The following SNX9 variants were observed in gnomAD, a reference collection of about 807,000 sequenced individuals.
The protein encoded by SNX9 is sorting nexin-9.
A neutral mutation model predicts 89.4 loss-of-function variants in SNX9; 44 were observed. The observed-to-expected ratio is 0.49, with a 90% CI of 0.39 to 0.63. The LOEUF (loss-of-function observed/expected upper bound fraction) is 0.63, where lower values mean the gene tolerates loss of function less well. Among genes scored for constraint, SNX9 ranks in the 30% least tolerant of loss-of-function variants. The pLI is 0.00. For synonymous variants in SNX9, 236 were observed against 247.8 expected (o/e 0.95, Z 0.45); for missense variants, 578 against 736.1 (o/e 0.79, Z 2.49).
At chr6:157,903,687 C>G (rs570762007) in intron 6 of SNX9, among the ~76,000 whole-genome samples, 1 of 152,330 alleles carries the variant, frequency 6.6e-6, no homozygotes, top group East Asian at 1.9e-4. Flanking sequence ...GGTTCCAGCT[C>G]ATGCCTGGGG....
In SNX9 at chr6:157,856,989, CT is replaced by C. The variant is rs751689431; in HGVS notation, c.13-10554del. ...AGCTGAAATGCTTGTAAAAGAGAAA[CT>C]TTTATCTACTACTTGGTTACTTAAT... is the stretch of plus-strand genomic sequence containing the variant. On this transcript the variant is annotated intron_variant, in intron 1 of 17. Coordinates refer to ENST00000392185, the MANE Select transcript of SNX9 (RefSeq NM_016224.5). Among the ~76,000 whole-genome samples, 20 of 152,154 alleles carry C rather than the reference CT, an allele frequency of 1.3e-4. No individual in the cohort carries two copies. In the South Asian group the frequency reaches 1.5e-3, roughly 11 times the overall value.
rs763237804 is a variant in SNX9 at position 157,867,645 on chromosome 6, G to C, written c.99+12G>C. 6.3e-7 allele frequency: 1 copy of C among 1,590,710 alleles called. No individual in the cohort carries two copies. The highest frequency in any genetic ancestry group is 1.1e-5 in the South Asian group (1 of 88,742). ...CAATCACAAATCCGGTAAGAGAACT[G>C]TACATTCGAGTCTGATTGTCCCATG... On this transcript the variant is annotated intron_variant, in intron 2 of 17. Coordinates refer to ENST00000392185, the MANE Select transcript of SNX9 (RefSeq NM_016224.5).
intron 1 of SNX9, among the ~76,000 whole-genome samples, chr6:157,826,246 C>T (rs1781342039): frequency 6.6e-6 from 1 of 152,212 alleles, no homozygotes; most frequent in South Asian, 2.1e-4. Flanking sequence ...CGCCTGTAAT[C>T]CTAGCACTTT....
chr6:157,898,659 G>A (rs1381023363), intron 5 of SNX9, among the ~76,000 whole-genome samples: 1 of 152,138 alleles, frequency 6.6e-6, no homozygotes, highest in African/African-American at 2.4e-5. Flanking sequence ...AAATAATTTG[G>A]GAATTAAGGG....
At chr6:157,884,550 C>T (rs1444987932) in intron 4 of SNX9, among the ~76,000 whole-genome samples, 1 of 152,148 alleles carries the variant, frequency 6.6e-6, no homozygotes, top group Non-Finnish European at 1.5e-5. Context: ...TTTCTCTTTA[C>T]AGAACTTTAT....
chr6:157,870,331 C>T (rs918438022), intron 2 of SNX9, among the ~76,000 whole-genome samples: 12 of 151,508 alleles, frequency 7.9e-5, no homozygotes, highest in African/African-American at 2.9e-4. Context: ...CTCTCACCTG[C>T]GCTCACACTC....
chr6:157,870,811 C>G (rs868360028), intron 2 of SNX9, among the ~76,000 whole-genome samples: 3 of 151,842 alleles, frequency 2.0e-5, no homozygotes, highest in Non-Finnish European at 2.9e-5. Flanking sequence ...ACACACCCCT[C>G]AGACACTCTC....
intron 13 of SNX9, among the ~76,000 whole-genome samples, chr6:157,932,707 A>T (rs906966741): frequency 5.3e-5 from 8 of 151,778 alleles, no homozygotes; most frequent in African/African-American, 1.9e-4. Flanking sequence ...TCTCTACAAA[A>T]AAATAAAAAA....
chr6:157,872,401 C>T (rs1256880072), intron 2 of SNX9, among the ~76,000 whole-genome samples: 3 of 152,136 alleles, frequency 2.0e-5, no homozygotes, highest in African/African-American at 7.2e-5. Flanking sequence ...AATCCTAAAA[C>T]TTACTAGTTT....
At chr6:157,899,647 G>A (rs559320070) in intron 5 of SNX9, among the ~76,000 whole-genome samples, 19 of 152,070 alleles carry the variant, frequency 1.2e-4, no homozygotes, top group South Asian at 2.1e-4. Context: ...GGTGGCAGGC[G>A]CCTGTAGTCC....
chr6:157,880,986 A>T (rs1301118898), intron 4 of SNX9, among the ~76,000 whole-genome samples: 1 of 152,246 alleles, frequency 6.6e-6, no homozygotes, highest in Admixed American at 6.5e-5. Flanking sequence ...AATTATAGTT[A>T]TCTCATATAC....
chr6:157,866,069 T>C (rs1455419219), intron 1 of SNX9, among the ~76,000 whole-genome samples: 1 of 152,240 alleles, frequency 6.6e-6, no homozygotes, highest in East Asian at 1.9e-4. Flanking sequence ...AGGATTTAAA[T>C]TATGTATTAT....
chr6:157,925,851 A>G (rs1226426965), intron 10 of SNX9, among the ~76,000 whole-genome samples: 1 of 152,106 alleles, frequency 6.6e-6, no homozygotes, highest in African/African-American at 2.4e-5. Flanking sequence ...ATTTATATAC[A>G]ACAGAAATTT....
chr6:157,922,125 G>C (rs545740174), intron 10 of SNX9, among the ~76,000 whole-genome samples: 4 of 152,288 alleles, frequency 2.6e-5, no homozygotes, highest in African/African-American at 9.6e-5. Flanking sequence ...TCACTGTAAT[G>C]GTGAGTCCAG....
chr6:157,860,812 A>AT, intron 1 of SNX9, among the ~76,000 whole-genome samples: 1 of 152,200 alleles, frequency 6.6e-6, no homozygotes, highest in East Asian at 1.9e-4. Context: ...TGATTTATGT[A>AT]TTTTAAGTAC....
At chr6:157,912,187 G>A (rs1276754503) in intron 9 of SNX9, among the ~76,000 whole-genome samples, 4 of 152,236 alleles carry the variant, frequency 2.6e-5, no homozygotes, top group Admixed American at 2.6e-4. Flanking sequence ...CTTCAGTTCT[G>A]CCATATAAAA....
At chr6:157,824,873 G>T (rs1781311036) in intron 1 of SNX9, among the ~76,000 whole-genome samples, 1 of 152,182 alleles carries the variant, frequency 6.6e-6, no homozygotes, top group Non-Finnish European at 1.5e-5. Flanking sequence ...AAGGAAATTT[G>T]ATTTTGAGGT....
intron 1 of SNX9, among the ~76,000 whole-genome samples, chr6:157,850,474 G>A (rs1339249343): frequency 6.6e-6 from 1 of 152,184 alleles, no homozygotes; most frequent in Non-Finnish European, 1.5e-5. Context: ...AGAGCGTGGC[G>A]AAGTTGTAAT....
chr6:157,868,699 A>G (rs6924194), intron 2 of SNX9, among the ~76,000 whole-genome samples: 4,940 of 152,352 alleles, frequency 0.032, 212 homozygotes, highest in African/African-American at 0.094. Flanking sequence ...TAGCAAAATT[A>G]TGAGATGAAC....
Sources: gnomAD v4.1 joint callset for allele counts (sites outside exome capture counted in the v4.1 genomes callset) on GRCh38, gnomAD v4.1.1 for gene constraint, MANE v1.5 for transcripts, NCBI Gene and HGNC (gene_info 2026-07-23, HGNC 2026-07-21) for gene names.